KCMF1: variants seen among roughly 807,000 people sequenced by gnomAD.
KCMF1 encodes potassium channel modulatory factor 1.
In KCMF1, 3 loss-of-function variants were observed where a neutral mutation model predicts 41.1. The ratio of observed to expected loss-of-function variants is 0.07; its 90% CI spans 0.03 to 0.19. The LOEUF is 0.19. KCMF1 is among the 10% of genes least tolerant of loss of function. The pLI is 1.00. For synonymous variants in KCMF1, 142 were observed against 164.5 expected (o/e 0.86, Z 1.04); for missense variants, 286 against 488.9 (o/e 0.58, Z 3.91).
chr2:84,985,895 A>T lies in KCMF1; in HGVS notation c.16+14428A>T, dbSNP rs529792779. Among the ~76,000 whole-genome samples, 41 of 152,242 alleles carry T rather than the reference A, an allele frequency of 2.7e-4. No homozygotes were observed. The South Asian group carries it at 7.7e-3, about 28-fold the overall frequency. Reference sequence around the variant, plus strand: ...ATACATTAGCAGCTCTCAAACTTTTAAAAAAATATAACACAGAAATATATT... The same window carrying T: ...ATACATTAGCAGCTCTCAAACTTTTTAAAAAATATAACACAGAAATATATT... On this transcript the variant is annotated intron_variant, in intron 1 of 6. Coordinates refer to ENST00000409785, the MANE Select transcript of KCMF1 (RefSeq NM_020122.5).
Position 85,027,956 on chromosome 2 carries a change from C to T in KCMF1, c.84C>T (p.Tyr28=), listed in dbSNP as rs374157347. Residue 28 remains tyrosine, a synonymous_variant, in exon 2 of 7, where the codon TAC becomes TAT. Coordinates refer to ENST00000409785, the MANE Select transcript of KCMF1 (RefSeq NM_020122.5). ...GCAGATATAAGTGTTTAATTTGCTA[C>T]GATTACGATCTTTGTGCATCTTGTT... ...RGRRYKCLIC[Y]DYDLCASCYE... 5.6e-6 allele frequency: 9 copies of T among 1,612,298 alleles called. No homozygotes were observed. The highest frequency in any genetic ancestry group is 1.6e-4 in the Middle Eastern group (1 of 6,080).
chr2:85,057,603 T>G lies in KCMF1; in HGVS notation c.*4194T>G, dbSNP rs1252006091. On this transcript the variant is annotated 3_prime_UTR_variant, in exon 7 of 7. Coordinates refer to ENST00000409785, the MANE Select transcript of KCMF1 (RefSeq NM_020122.5). ...TGTTTTTCTGAATAGTATAAAAATC[T>G]AATTCCCTGTGCTTATCGGCTTCAA... is the stretch of plus-strand genomic sequence containing the variant. The G allele has an allele frequency of 2.6e-5, 4 of 152,264 alleles. No individual in the cohort carries two copies. The highest frequency in any genetic ancestry group is 9.6e-5 in the African/African-American group (4 of 41,464). 9.4% of individuals were successfully genotyped at this position (152,264 alleles called of 1,614,324 possible).
chr2:85,022,081 T>G (rs1212504134), intron 1 of KCMF1, among the ~76,000 whole-genome samples: 1 of 151,996 alleles, frequency 6.6e-6, no homozygotes, highest in African/African-American at 2.4e-5. Flanking sequence ...CCTCCCAAAG[T>G]GCTGGGCTTA....
intron 1 of KCMF1, among the ~76,000 whole-genome samples, chr2:85,008,289 A>ATT (rs1491509635): frequency 0.018 from 891 of 49,624 alleles, 31 homozygotes; most frequent in African/African-American, 0.079. Flanking sequence ...TATGATATAT[A>ATT]ATATATATAA....
At chr2:85,002,898 C>T (rs2103991819) in intron 1 of KCMF1, among the ~76,000 whole-genome samples, 1 of 152,270 alleles carries the variant, frequency 6.6e-6, no homozygotes, top group East Asian at 1.9e-4. Flanking sequence ...ATATATACTA[C>T]TGTACTTGTT....
chr2:85,052,235 A>G (rs977032983), intron 6 of KCMF1, among the ~76,000 whole-genome samples: 5 of 152,042 alleles, frequency 3.3e-5, no homozygotes, highest in African/African-American at 1.2e-4. Flanking sequence ...ACACCTGGCT[A>G]ATTTTTTGTA....
intron 4 of KCMF1, 43 bp downstream of exon 4, chr2:85,043,708 G>A: frequency 7.4e-7 from 1 of 1,350,824 alleles, no homozygotes; most frequent in Non-Finnish European, 1.1e-6. Context: ...TGTTTGTAAT[G>A]TTTGTCATTT....
Position 85,048,563 on chromosome 2 carries a change from G to T in KCMF1, c.602-803G>T, listed in dbSNP as rs148408856. 1.3e-4 allele frequency among the ~76,000 whole-genome samples: 20 copies of T among 152,336 alleles called. No homozygotes were observed. In the East Asian group the frequency reaches 3.5e-3, roughly 26 times the overall value. ...TGAAAGTGTCTGCAAGGCAGTCATC[G>T]ATTCCCTATAAGCGAGGTGGACCCT... On this transcript the variant is annotated intron_variant, in intron 5 of 6. Transcript: ENST00000409785.
Position 85,053,476 on chromosome 2 carries a change from C to T in KCMF1, c.*67C>T. 5 of 1,479,130 alleles carry T rather than the reference C, an allele frequency of 3.4e-6. No homozygotes were observed. The highest frequency in any genetic ancestry group is 4.5e-6 in the Non-Finnish European group (5 of 1,100,206). The allele number at this position is 1,479,130 out of a possible 1,614,324, so 91.6% of individuals were successfully genotyped here. On this transcript the variant is annotated 3_prime_UTR_variant, in exon 7 of 7. Transcript: ENST00000409785. The stretch of plus-strand genomic sequence containing the variant: ...GCCAATGAAAGTGGACAACAACTAT[C>T]TTGGGTTTGTTTGGTGATTGTAATT...
chr2:84,999,146 CTTAT>C (rs1358275861), intron 1 of KCMF1, among the ~76,000 whole-genome samples: 1 of 151,520 alleles, frequency 6.6e-6, no homozygotes, highest in Non-Finnish European at 1.5e-5. Context: ...CGCCTGGCCT[CTTAT>C]TTATTTATTT....
chr2:85,042,721 A>ATT (rs1675568077), intron 3 of KCMF1, among the ~76,000 whole-genome samples: 1 of 152,146 alleles, frequency 6.6e-6, no homozygotes, highest in Admixed American at 6.6e-5. Context: ...GTCCATTTGA[A>ATT]TTTCGGAAGA....
At chr2:84,981,702 A>G (rs992433113) in intron 1 of KCMF1, among the ~76,000 whole-genome samples, 1 of 152,148 alleles carries the variant, frequency 6.6e-6, no homozygotes, top group Non-Finnish European at 1.5e-5. Flanking sequence ...AGACTCTGTC[A>G]TCCTCCCTAC....
chr2:84,995,500 T>A (rs1430163852), intron 1 of KCMF1, among the ~76,000 whole-genome samples: 1 of 152,234 alleles, frequency 6.6e-6, no homozygotes, highest in East Asian at 1.9e-4. Context: ...GCTTAGAATG[T>A]CTGGTTGTCT....
intron 2 of KCMF1, among the ~76,000 whole-genome samples, chr2:85,033,304 ATAAT>A (rs1401595978): frequency 6.6e-6 from 1 of 152,222 alleles, no homozygotes; most frequent in African/African-American, 2.4e-5. Context: ...AAATAATTAA[ATAAT>A]TCTTTTTAGT....
At chr2:85,052,416 A>C (rs1439996714) in intron 6 of KCMF1, among the ~76,000 whole-genome samples, 1 of 152,110 alleles carries the variant, frequency 6.6e-6, no homozygotes, top group Admixed American at 6.5e-5. Context: ...TGCTAACCCC[A>C]ACTTGAAGAT....
chr2:85,017,599 G>A (rs1414080302), intron 1 of KCMF1, among the ~76,000 whole-genome samples: 2 of 135,726 alleles, frequency 1.5e-5, no homozygotes, highest in Non-Finnish European at 3.1e-5. Context: ...ATAGCTAGAA[G>A]TCAAAATCGG....
intron 2 of KCMF1, among the ~76,000 whole-genome samples, chr2:85,029,677 ATTT>A (rs1178504248): frequency 1.5e-5 from 2 of 130,664 alleles, no homozygotes; most frequent in Non-Finnish European, 1.6e-5. Context: ...TCATGCTATA[ATTT>A]TTTTTTTTTT....
At chr2:84,991,092 G>C (rs75665928) in intron 1 of KCMF1, among the ~76,000 whole-genome samples, 2,333 of 152,304 alleles carry the variant, frequency 0.015, 30 homozygotes, top group South Asian at 0.063. Context: ...ATGGAGGCAT[G>C]ACAGTGATGA....
intron 1 of KCMF1, among the ~76,000 whole-genome samples, chr2:85,002,143 C>G (rs1289297469): frequency 6.6e-6 from 1 of 152,160 alleles, no homozygotes; most frequent in Non-Finnish European, 1.5e-5. Flanking sequence ...AAAATTGTTA[C>G]TTTCCTAGTA....
Sources: allele counts gnomAD v4.1 joint callset (sites outside exome capture counted in the v4.1 genomes callset), GRCh38; gene constraint gnomAD v4.1.1; transcripts MANE v1.5; gene names NCBI Gene and HGNC (gene_info 2026-07-23, HGNC 2026-07-21).